FFAR4: variants seen among roughly 807,000 people sequenced by gnomAD.
The protein encoded by FFAR4 is G-protein coupled receptor 120.
FFAR4 carries 19 observed loss-of-function variants against 27.0 expected under a neutral mutation model. That is an observed-to-expected ratio of 0.70 (90% CI 0.49 to 1.03). FFAR4 has a LOEUF of 1.03. FFAR4 is among the 50% of genes least tolerant of loss of function. FFAR4 has a pLI of 0.00. For missense variants in FFAR4, 476 were observed against 479.0 expected, an observed-to-expected ratio of 0.99 and a Z score of 0.06; for synonymous variants, 254 against 215.6, an observed-to-expected ratio of 1.18 and a Z score of -1.56.
At chr10:93,586,668 C>T (rs1033223780) in intron 2 of FFAR4, among the ~76,000 whole-genome samples, 4 of 152,122 alleles carry the variant, frequency 2.6e-5, no homozygotes, top group Admixed American at 2.6e-4. Flanking sequence ...AGGAGCAAGG[C>T]CCGGAGTGTG....
At chr10:93,579,003 C>T (rs1589677555) in intron 2 of FFAR4, among the ~76,000 whole-genome samples, 1 of 152,144 alleles carries the variant, frequency 6.6e-6, no homozygotes, top group African/African-American at 2.4e-5. Flanking sequence ...CACCCACCCC[C>T]ATCTTTTTCT....
Position 93,579,107 on chromosome 10 carries a change from G to C in FFAR4, c.696+2888G>C, listed in dbSNP as rs993548767. ...CACCTCTAAACAGCAGTTTACTCTCGAAGCACCTTGTGTCTAAACCCACAG... is the reference window on the plus strand; with the variant it reads ...CACCTCTAAACAGCAGTTTACTCTCCAAGCACCTTGTGTCTAAACCCACAG... On this transcript the variant is annotated intron_variant, in intron 2 of 2. Coordinates refer to ENST00000371481, the MANE Select transcript of FFAR4 (RefSeq NM_001195755.2). 3.0e-5 allele frequency: 47 copies of C among 1,557,478 alleles called. 1 individual carries two copies. In the East Asian group the frequency reaches 1.0e-3, roughly 33 times the overall value.
intron 2 of FFAR4, among the ~76,000 whole-genome samples, chr10:93,580,938 T>C (rs963706763): frequency 1.3e-5 from 2 of 152,250 alleles, no homozygotes; most frequent in African/African-American, 4.8e-5. Flanking sequence ...GACTTCTAAG[T>C]GCCTTCGGAT....
chr10:93,582,852 G>A (rs1391265586), intron 2 of FFAR4, among the ~76,000 whole-genome samples: 1 of 152,176 alleles, frequency 6.6e-6, no homozygotes, highest in Admixed American at 6.5e-5. Context: ...ATGGCAGAAG[G>A]AGAAGCAAGG....
At chr10:93,578,398 C>G in intron 2 of FFAR4, among the ~76,000 whole-genome samples, 1 of 80,500 alleles carries the variant, frequency 1.2e-5, no homozygotes, top group South Asian at 4.7e-4. Context: ...GCCTGGGCAA[C>G]AAAGTGAGAT....
chr10:93,582,924 A>G (rs67221131), intron 2 of FFAR4, among the ~76,000 whole-genome samples: 5,098 of 152,212 alleles, frequency 0.033, 146 homozygotes, highest in East Asian at 0.13. Context: ...AAACTGTCTT[A>G]TAAAACCATC....
chr10:93,576,003 T>A, intron 1 of FFAR4, 88 bp from the exon 2 acceptor site: 3 of 1,339,006 alleles, frequency 2.2e-6, no homozygotes, highest in Non-Finnish European at 3.2e-6. Context: ...TGCAACCGTG[T>A]AAGTGTCAGG....
chr10:93,569,972 T>C (rs1252043999), intron 1 of FFAR4, among the ~76,000 whole-genome samples: 1 of 151,744 alleles, frequency 6.6e-6, no homozygotes, highest in Non-Finnish European at 1.5e-5. Flanking sequence ...GGCAGGAGAA[T>C]TGCTTGAACC....
intron 1 of FFAR4, among the ~76,000 whole-genome samples, chr10:93,572,529 G>A (rs1329065303): frequency 6.6e-6 from 1 of 152,180 alleles, no homozygotes; most frequent in Non-Finnish European, 1.5e-5. Flanking sequence ...TAATGGTGAT[G>A]GCCTGGTCTT....
At position 93,587,549 on chromosome 10, in the gene FFAR4, G is replaced by C. The variant is rs774186505; in HGVS notation, c.1026G>C (p.Lys342Asn). The C allele has an allele frequency of 1.9e-6, 3 of 1,613,966 alleles. No individual in the cohort carries two copies. The highest frequency in any genetic ancestry group is 2.5e-6 in the Non-Finnish European group (3 of 1,180,028). Residue 342 changes from lysine (K) to asparagine (N), a missense_variant, in exon 3 of 3, where the codon AAG becomes AAC. Lys to Asn is a moderately conservative substitution (Grantham distance 94). Transcript: ENST00000371481. The stretch of plus-strand genomic sequence containing the variant: ...TTTGCTGCTTCTGGTTCCCAGAAAA[G>C]GGAGCCATTTTAACAGACACATCTG... ...KIFCCFWFPE[K>N]GAILTDTSVK...
At chr10:93,586,686 G>A (rs60239627) in intron 2 of FFAR4, among the ~76,000 whole-genome samples, 15,796 of 152,196 alleles carry the variant, frequency 0.1, 958 homozygotes, top group African/African-American at 0.16. Context: ...GTGGTGCGTG[G>A]TGTGGGCCCA....
intron 2 of FFAR4, among the ~76,000 whole-genome samples, chr10:93,583,230 G>A (rs1441015952): frequency 5.2e-5 from 7 of 133,354 alleles, no homozygotes; most frequent in East Asian, 4.2e-4. Flanking sequence ...GTGAAACCCC[G>A]TCTCTACTAA....
Position 93,576,023 on chromosome 10 carries a change from A to G in FFAR4, c.568-68A>G, listed in dbSNP as rs960610927. ...CCGTGTAAGTGTCAGGAAACCCTCAATAAGACTGAGCCAGAGGCCAATAAG... is the reference window on the plus strand; with the variant it reads ...CCGTGTAAGTGTCAGGAAACCCTCAGTAAGACTGAGCCAGAGGCCAATAAG... On this transcript the variant is annotated intron_variant, in intron 1 of 2. Coordinates refer to ENST00000371481, the MANE Select transcript of FFAR4 (RefSeq NM_001195755.2). 20 of 1,549,530 alleles carry G rather than the reference A, an allele frequency of 1.3e-5. No homozygotes were observed. The East Asian group carries it at 1.8e-4, about 14-fold the overall frequency.
chr10:93,574,258 G>A (rs1263131936), intron 1 of FFAR4, among the ~76,000 whole-genome samples: 1 of 152,152 alleles, frequency 6.6e-6, no homozygotes, highest in Non-Finnish European at 1.5e-5. Flanking sequence ...CTCCACAAAA[G>A]TCTTGCTAAC....
In FFAR4 at chr10:93,587,718, C is replaced by T. The variant is rs17108973; in HGVS notation, c.*109C>T. The stretch of plus-strand genomic sequence containing the variant: ...TGCACCCTGCTTTAAGAAAATGAAC[C>T]TATGCAAATAGACATCCACAGCGTC... On this transcript the variant is annotated 3_prime_UTR_variant, in exon 3 of 3. Coordinates refer to ENST00000371481, the MANE Select transcript of FFAR4 (RefSeq NM_001195755.2). The T allele has an allele frequency of 0.17, 176,054 of 1,050,978 alleles. 16,312 individuals are homozygous for T. Among genetic ancestry groups the T allele is most frequent in the South Asian group, 0.32 (20,351 of 64,238 alleles). 65.1% of individuals were successfully genotyped at this position (1,050,978 alleles called of 1,614,324 possible).
At chr10:93,583,373 G>A (rs56096223) in intron 2 of FFAR4, among the ~76,000 whole-genome samples, 22,021 of 149,808 alleles carry the variant, frequency 0.15, 1,739 homozygotes, top group South Asian at 0.28. Context: ...CCGAGATGGC[G>A]CCACTGCACT....
At chr10:93,575,220 G>A (rs1343630585) in intron 1 of FFAR4, among the ~76,000 whole-genome samples, 1 of 152,158 alleles carries the variant, frequency 6.6e-6, no homozygotes, top group South Asian at 2.1e-4. Context: ...TTGTTTTCTA[G>A]ACAGTTTTGT....
At chr10:93,575,180 ATCTAT>A (rs1406772243) in intron 1 of FFAR4, among the ~76,000 whole-genome samples, 1 of 152,228 alleles carries the variant, frequency 6.6e-6, no homozygotes. Context: ...CTTAAAAATA[ATCTAT>A]TCTATATGTG....
rs2058247859 is a variant in FFAR4, at chr10:93,589,119, T to C, written c.*1510T>C. 6.6e-6 allele frequency: 1 copy of C among 152,280 alleles called. No individual in the cohort carries two copies. Among genetic ancestry groups the C allele is most frequent in the African/African-American group, 2.4e-5 (1 of 41,468 alleles). The allele number at this position is 152,280 out of a possible 1,614,324, so 9.4% of individuals were successfully genotyped here. A position where few individuals can be genotyped will look rare whatever the true frequency, so the allele number is the denominator to read the frequency against. On this transcript the variant is annotated 3_prime_UTR_variant, in exon 3 of 3. Transcript: ENST00000371481. ...AGCCGACTATTGATGGAGCCTCCTCTGCACTAGGCACTGCCTTTAATGCTG... is the reference window on the plus strand; with the variant it reads ...AGCCGACTATTGATGGAGCCTCCTCCGCACTAGGCACTGCCTTTAATGCTG...
Sources: allele counts gnomAD v4.1 joint callset (sites outside exome capture counted in the v4.1 genomes callset), GRCh38; gene constraint gnomAD v4.1.1; transcripts MANE v1.5; gene names NCBI Gene and HGNC (gene_info 2026-07-23, HGNC 2026-07-21).